The following FADS3 variants were observed in gnomAD, a reference collection of about 807,000 sequenced individuals.
The protein encoded by FADS3 is fatty acid desaturase 3.
In FADS3, 30 loss-of-function variants were observed where a neutral mutation model predicts 60.4. The observed-to-expected ratio is 0.50, with a 90% confidence interval of 0.37 to 0.67. The LOEUF (loss-of-function observed/expected upper bound fraction) is 0.67, where lower values mean the gene tolerates loss of function less well. Among genes scored for constraint, FADS3 ranks in the 30% least tolerant of loss-of-function variants. The probability of loss-of-function intolerance (pLI) is 0.00; values close to 1 mark genes in which losing one functional copy is unlikely to be tolerated. For missense variants in FADS3, 432 were observed against 598.3 expected, an observed-to-expected ratio of 0.72 and a Z score of 2.90; for synonymous variants, 234 against 249.3, an observed-to-expected ratio of 0.94 and a Z score of 0.58.
At chr11:61,882,539 C>T (rs1938173699) in intron 1 of FADS3, 1 of 152,244 alleles carries the variant, frequency 6.6e-6, no homozygotes, top group South Asian at 2.1e-4. Context: ...CCCACCTCAG[C>T]CTCCCCAGCA....
Position 61,891,255 on chromosome 11 carries a change from G to C in FADS3, c.127C>G (p.Arg43Gly). Reference protein sequence around the residue: ...QPGDKWLVIERRVYDISRWAQ... With the variant: ...QPGDKWLVIEGRVYDISRWAQ... Reference sequence around the variant, plus strand: ...CAGCGGCTGATGTCGTAGACGCGGCGCTCGATGACCAGCCACTTGTCGCCG... The same window carrying C: ...CAGCGGCTGATGTCGTAGACGCGGCCCTCGATGACCAGCCACTTGTCGCCG... Residue 43 changes from arginine to glycine, a missense_variant, in exon 1 of 12, where the codon CGC (arginine) becomes GGC (glycine). This residue lies in a region of FADS3 where 167 missense variants were observed against 188.8 expected (regional missense o/e 0.88). Coordinates refer to ENST00000278829, the MANE Select transcript of FADS3 (RefSeq NM_021727.5). 1.9e-6 allele frequency: 3 copies of C among 1,543,552 alleles called. No homozygotes were observed. Among genetic ancestry groups the C allele is most frequent in the Non-Finnish European group, 2.6e-6 (3 of 1,147,288 alleles).
Position 61,877,656 on chromosome 11 carries a change from A to G in FADS3, c.809-69T>C. Reference sequence around the variant, plus strand: ...GCCAAGGTGAGTGGGCGCCAGAGTGAGGGGCTCTGTTACTCCAGGAATGCC... The same window carrying G: ...GCCAAGGTGAGTGGGCGCCAGAGTGGGGGGCTCTGTTACTCCAGGAATGCC... On this transcript the variant is annotated intron_variant, in intron 6 of 11. Transcript: ENST00000278829. This position sits in a 1 kb window ranked among gnomAD's most constrained non-coding sequence, Gnocchi z 4.7. The G allele has an allele frequency of 7.1e-7, 1 of 1,417,332 alleles. No homozygotes were observed. Among genetic ancestry groups the G allele is most frequent in the South Asian group, 1.2e-5 (1 of 83,444 alleles). 87.8% of individuals were successfully genotyped at this position (1,417,332 alleles called of 1,614,324 possible).
At chr11:61,875,794 G>A in intron 11 of FADS3, 57 bp downstream of exon 11, 1 of 1,586,986 alleles carries the variant, frequency 6.3e-7, no homozygotes. Flanking sequence ...CCTGGACAAG[G>A]GTAGGCATAG....
intron 11 of FADS3, among the ~76,000 whole-genome samples, chr11:61,875,438 G>A (rs1277878499): frequency 7.0e-6 from 1 of 142,752 alleles, no homozygotes; most frequent in African/African-American, 2.6e-5. Context: ...TCACCATGTT[G>A]GCCAGGCTGG....
chr11:61,875,952 G>A lies in FADS3; in HGVS notation c.1185C>T (p.His395=). ...EHHLFPRMPR[H]NYSRVAPLVK... Reference sequence around the variant, plus strand: ...CCAGCGGGGCCACCCGGCTGTAGTTGTGTCTCGGCATCCTGGGGAAGAGGC... The same window carrying A: ...CCAGCGGGGCCACCCGGCTGTAGTTATGTCTCGGCATCCTGGGGAAGAGGC... The change falls in exon 11 of 12, where the codon CAC becomes CAT. Residue 395 remains histidine (H), a synonymous_variant. Coordinates refer to ENST00000278829, the MANE Select transcript of FADS3 (RefSeq NM_021727.5). 1 of 1,613,794 alleles carries A rather than the reference G, an allele frequency of 6.2e-7. No homozygotes were observed. The highest frequency in any genetic ancestry group is 8.5e-7 in the Non-Finnish European group (1 of 1,180,038).
chr11:61,879,223 A>T, intron 3 of FADS3, 89 bp downstream of exon 3: 1 of 1,177,196 alleles, frequency 8.5e-7, no homozygotes, highest in Non-Finnish European at 1.2e-6. Flanking sequence ...CCATTCATTC[A>T]TTTAGCAAAT....
chr11:61,888,137 C>T (rs535204957), intron 1 of FADS3, among the ~76,000 whole-genome samples: 3 of 152,230 alleles, frequency 2.0e-5, no homozygotes, highest in African/African-American at 7.2e-5. Flanking sequence ...ACAAACCTGG[C>T]CAAGGGCCCA....
chr11:61,881,828 T>TG, intron 1 of FADS3: 1 of 152,368 alleles, frequency 6.6e-6, no homozygotes, highest in Non-Finnish European at 1.5e-5. Context: ...GCTTGGGGAC[T>TG]GGGGGGCTGG....
chr11:61,884,558 G>A (rs1938244830), intron 1 of FADS3, among the ~76,000 whole-genome samples: 1 of 152,172 alleles, frequency 6.6e-6, no homozygotes, highest in Admixed American at 6.5e-5. Flanking sequence ...TGGTGTGCGG[G>A]GGTCCTTGCC....
intron 5 of FADS3, 84 bp from the exon 6 acceptor site, chr11:61,878,299 C>A: frequency 6.7e-7 from 1 of 1,494,700 alleles, no homozygotes. Context: ...TGGCTGGGGC[C>A]AAGGGTCAAA....
chr11:61,882,768 C>T (rs978640747), intron 1 of FADS3, among the ~76,000 whole-genome samples: 1 of 152,100 alleles, frequency 6.6e-6, no homozygotes, highest in African/African-American at 2.4e-5. Flanking sequence ...CTTGCTCTGT[C>T]GCCCAGACTG....
chr11:61,883,793 G>C (rs543784916), intron 1 of FADS3, among the ~76,000 whole-genome samples: 42 of 152,326 alleles, frequency 2.8e-4, no homozygotes, highest in Non-Finnish European at 5.3e-4. Context: ...CACTGACAGG[G>C]GAGGACAGAA....
chr11:61,880,333 G>C, intron 1 of FADS3, 182 bp from the exon 2 acceptor site: 1 of 514,658 alleles, frequency 1.9e-6, no homozygotes, highest in Non-Finnish European at 3.5e-6. Context: ...CAGGGCCCCA[G>C]GTTGTCCTGC....
At chr11:61,892,048 G>A (rs1183529783), upstream of FADS3, 1 of 152,296 alleles carries the variant, frequency 6.6e-6, no homozygotes, top group Non-Finnish European at 1.5e-5. Flanking sequence ...AATCTCTGCG[G>A]GGCCCCCACC....
intron 1 of FADS3, among the ~76,000 whole-genome samples, chr11:61,889,792 T>G (rs1214893417): frequency 6.6e-6 from 1 of 152,192 alleles, no homozygotes; most frequent in Non-Finnish European, 1.5e-5. Context: ...ACCCAGGACT[T>G]TGAGACCAGC....
At chr11:61,891,913 C>T (rs1224023294), upstream of FADS3, 1 of 152,286 alleles carries the variant, frequency 6.6e-6, no homozygotes, top group Non-Finnish European at 1.5e-5. Context: ...AGGCGGAGTC[C>T]CGGTCTGTGA....
In FADS3 at chr11:61,873,844, G is replaced by A; in HGVS notation, c.1308C>T (p.Asp436=). 2 of 1,610,740 alleles carry A rather than the reference G, an allele frequency of 1.2e-6. No individual in the cohort carries two copies. The highest frequency in any genetic ancestry group is 1.7e-6 in the Non-Finnish European group (2 of 1,178,672). ...DIVRSLKKSG[D]IWLDAYLHQ ...GATGGAGGTAGGCGTCCAGCCAGAT[G>A]TCACCAGACTTCTTCAGGGACCTGG... Residue 436 remains aspartate, a synonymous_variant, in exon 12 of 12, where the codon GAC becomes GAT. Transcript: ENST00000278829.
upstream of FADS3, chr11:61,891,937 G>A (rs1393427497): frequency 6.6e-6 from 1 of 152,366 alleles, no homozygotes; most frequent in South Asian, 2.1e-4. Flanking sequence ...GCGGGGCCTG[G>A]GGGGCTTCCA....
Position 61,880,236 on chromosome 11 carries a change from C to T in FADS3, c.214-85G>A, listed in dbSNP as rs535949306. On this transcript the variant is annotated intron_variant, in intron 1 of 11. Transcript: ENST00000278829. ...CCAGCAGAGACAGGCGGAAGGACTA[C>T]GGATGGATGGGCAGAGCAGACGACA... The T allele has an allele frequency of 6.4e-5, 70 of 1,087,588 alleles. No homozygotes were observed. In the East Asian group the frequency reaches 8.7e-4, roughly 14 times the overall value. The allele number at this position is 1,087,588 out of a possible 1,614,324, so 67.4% of individuals were successfully genotyped here. A position where few individuals can be genotyped will look rare whatever the true frequency, so the allele number is the denominator to read the frequency against.
Sources: gnomAD v4.1 joint callset for allele counts (sites outside exome capture counted in the v4.1 genomes callset) on GRCh38, gnomAD v4.1.1 for gene constraint, gnomAD v4.1.1 regional missense constraint, Gnocchi (gnomAD v3.1) non-coding constraint, MANE v1.5 for transcripts, NCBI Gene and HGNC (gene_info 2026-07-23, HGNC 2026-07-21) for gene names.